Variants in GPATCH8 observed in about 807,000 individuals in gnomAD.
GPATCH8 encodes G patch domain-containing protein 8.
GPATCH8 carries 18 observed loss-of-function variants against 118.3 expected under a neutral mutation model. The ratio of observed to expected loss-of-function variants is 0.15; its 90% CI spans 0.11 to 0.23. The LOEUF (loss-of-function observed/expected upper bound fraction) is 0.23. Among genes scored for constraint, GPATCH8 ranks in the 10% least tolerant of loss-of-function variants. The probability of loss-of-function intolerance (pLI) is 1.00; values close to 1 mark genes in which losing one functional copy is unlikely to be tolerated. For missense variants in GPATCH8, 1,631 were observed against 1,873.8 expected, an observed-to-expected ratio of 0.87 and a Z score of 2.39; for synonymous variants, 659 against 684.7, an observed-to-expected ratio of 0.96 and a Z score of 0.59.
At chr17:44,439,919 G>A (rs968024533) in intron 3 of GPATCH8, among the ~76,000 whole-genome samples, 9 of 151,732 alleles carry the variant, frequency 5.9e-5, no homozygotes, top group Non-Finnish European at 1.0e-4. Flanking sequence ...AAGTAGCTGG[G>A]GCTACAGGCA....
chr17:44,414,135 A>ATATATATG (rs1567955705), intron 6 of GPATCH8, among the ~76,000 whole-genome samples: 4 of 34,544 alleles, frequency 1.2e-4, no homozygotes, highest in Admixed American at 3.8e-4. Flanking sequence ...ATGTGTATAT[A>ATATATATG]TATATATGTG....
At chr17:44,413,487 C>CT (rs1050992656) in intron 6 of GPATCH8, among the ~76,000 whole-genome samples, 15 of 151,540 alleles carry the variant, frequency 9.9e-5, no homozygotes, top group African/African-American at 3.6e-4. Flanking sequence ...AACCCAAATT[C>CT]TTTTTTTTCC....
intron 5 of GPATCH8, 142 bp downstream of exon 5, chr17:44,434,923 A>C: frequency 1.5e-6 from 1 of 688,948 alleles, no homozygotes; most frequent in Non-Finnish European, 2.7e-6. Flanking sequence ...GGAATGTAAT[A>C]GAAATCTGAG....
intron 3 of GPATCH8, among the ~76,000 whole-genome samples, chr17:44,457,004 A>G (rs1264843489): frequency 6.6e-6 from 1 of 152,024 alleles, no homozygotes; most frequent in Non-Finnish European, 1.5e-5. Flanking sequence ...CTGGGATTAC[A>G]GGCACGCACC....
At chr17:44,409,587 G>C (rs867176297) in intron 6 of GPATCH8, among the ~76,000 whole-genome samples, 3 of 152,144 alleles carry the variant, frequency 2.0e-5, no homozygotes, top group Non-Finnish European at 2.9e-5. Flanking sequence ...TTTTAAAAAG[G>C]CAGTATGTGT....
chr17:44,403,691 CT>C (rs35050888), intron 7 of GPATCH8, among the ~76,000 whole-genome samples: 75,881 of 145,748 alleles, frequency 0.52, 20,459 homozygotes, highest in Middle Eastern at 0.62. Flanking sequence ...TGTAATCTCT[CT>C]TTTTTTTTTT....
At chr17:44,446,090 C>T (rs117511564) in intron 3 of GPATCH8, among the ~76,000 whole-genome samples, 3,644 of 151,940 alleles carry the variant, frequency 0.024, 79 homozygotes, top group Admixed American at 0.062. Context: ...CAGGCACTCA[C>T]CACCATGTGT....
At chr17:44,471,780 GT>G (rs1967296275) in intron 2 of GPATCH8, among the ~76,000 whole-genome samples, 1 of 150,542 alleles carries the variant, frequency 6.6e-6, no homozygotes, top group African/African-American at 2.4e-5. Context: ...GACTTCTTTT[GT>G]TTGGTGGGAG....
In GPATCH8 at chr17:44,406,005, G is replaced by A. The variant is rs1317948784; in HGVS notation, c.539C>T (p.Ser180Leu). 2 of 1,606,898 alleles carry A rather than the reference G, an allele frequency of 1.2e-6. No homozygotes were observed. Among genetic ancestry groups the A allele is most frequent in the Non-Finnish European group, 1.7e-6 (2 of 1,173,424 alleles). ...TTTTTTCTCATCCTTGCGGGATCTT[G>A]AAGAGACATTTCGAGCAAACTCTCT... ...KQREFARNVS[S>L]RSRKDEKKQE... is the part of the protein sequence containing the mutation. The change falls in exon 7 of 8, where the codon TCA becomes TTA. Residue 180 changes from serine to leucine, a missense_variant. Ser to Leu is a moderately radical substitution (Grantham distance 145). Around this residue, in one of 8 missense-constraint regions of GPATCH8, gnomAD observed 81 missense variants for 227.6 expected, o/e 0.36. Coordinates refer to ENST00000591680, the MANE Select transcript of GPATCH8 (RefSeq NM_001002909.4).
At chr17:44,439,622 CA>C (rs2050621894) in intron 3 of GPATCH8, among the ~76,000 whole-genome samples, 1 of 151,982 alleles carries the variant, frequency 6.6e-6, no homozygotes, top group African/African-American at 2.4e-5. Flanking sequence ...CATTAAAAAA[CA>C]AAACAAAACA....
chr17:44,499,343 G>A (rs543539911), intron 1 of GPATCH8, among the ~76,000 whole-genome samples: 1 of 152,266 alleles, frequency 6.6e-6, no homozygotes, highest in African/African-American at 2.4e-5. Context: ...GGTGGGACAT[G>A]CCTGAAATCC....
chr17:44,420,692 C>T (rs2049865270), intron 6 of GPATCH8, among the ~76,000 whole-genome samples: 1 of 152,222 alleles, frequency 6.6e-6, no homozygotes, highest in African/African-American at 2.4e-5. Flanking sequence ...AAAGATGTAA[C>T]AATTTCTACT....
intron 1 of GPATCH8, among the ~76,000 whole-genome samples, chr17:44,481,190 A>T (rs1968213660): frequency 6.6e-6 from 1 of 152,214 alleles, no homozygotes; most frequent in Admixed American, 6.5e-5. Context: ...TACAGGCGTG[A>T]GCCCTCCTCT....
chr17:44,449,513 C>CTT (rs752494488), intron 3 of GPATCH8, among the ~76,000 whole-genome samples: 7 of 124,778 alleles, frequency 5.6e-5, no homozygotes, highest in Non-Finnish European at 8.6e-5. Flanking sequence ...TCAGAATCTA[C>CTT]TTTTTTTTTT....
At chr17:44,488,540 T>G (rs1255029278) in intron 1 of GPATCH8, among the ~76,000 whole-genome samples, 1 of 151,022 alleles carries the variant, frequency 6.6e-6, no homozygotes, top group Non-Finnish European at 1.5e-5. Flanking sequence ...TAGCTAACTT[T>G]TTGTATTTTT....
chr17:44,491,541 T>C (rs1969246099), intron 1 of GPATCH8, among the ~76,000 whole-genome samples: 1 of 149,380 alleles, frequency 6.7e-6, no homozygotes, highest in African/African-American at 2.5e-5. Flanking sequence ...CATTTTTAAA[T>C]GAATAATATT....
Sources: allele counts gnomAD v4.1 joint callset (sites outside exome capture counted in the v4.1 genomes callset), GRCh38; gene constraint gnomAD v4.1.1; regional missense constraint gnomAD v4.1.1; transcripts MANE v1.5; gene names NCBI Gene and HGNC (gene_info 2026-07-23, HGNC 2026-07-21).